Variants in GSDME observed in about 807,000 individuals in gnomAD.
GSDME encodes the protein gasdermin-E.
Under a neutral mutation model 47.5 loss-of-function variants are expected in GSDME, and 44 were observed. The ratio of observed to expected loss-of-function variants is 0.93; its 90% CI spans 0.73 to 1.19. GSDME has a LOEUF of 1.19. GSDME is among the 50% of genes most tolerant of loss of function. GSDME has a pLI of 0.00. For missense variants in GSDME, 663 were observed against 604.2 expected, an observed-to-expected ratio of 1.10 and a Z score of -1.02; for synonymous variants, 258 against 252.8, an observed-to-expected ratio of 1.02 and a Z score of -0.20.
chr7:24,782,328 G>A, the GSDME span, among the ~76,000 whole-genome samples: 14 of 149,024 alleles, frequency 9.4e-5, no homozygotes, highest in East Asian at 2.0e-4. Flanking sequence ...TTGGTTTTTT[G>A]TCCTTGCGAT....
chr7:24,778,477 C>T, the GSDME span, among the ~76,000 whole-genome samples: 2 of 152,210 alleles, frequency 1.3e-5, no homozygotes, highest in Non-Finnish European at 2.9e-5. The surrounding 1 kb of genome is among the most constrained non-coding windows in gnomAD (Gnocchi z 5.6). Flanking sequence ...TGTTTTGTTG[C>T]ACCCTTGTCC....
chr7:24,776,740 T>G, the GSDME span, among the ~76,000 whole-genome samples: 6 of 152,220 alleles, frequency 3.9e-5, no homozygotes, highest in South Asian at 1.2e-3. Context: ...TCTCTTTTTC[T>G]TAGGTCACTA....
chr7:24,762,001 C>T (rs938750408), upstream of GSDME, among the ~76,000 whole-genome samples: 4 of 151,914 alleles, frequency 2.6e-5, no homozygotes, highest in African/African-American at 9.7e-5. Flanking sequence ...TGTCTGTATT[C>T]CCAACACTTT....
the GSDME span, among the ~76,000 whole-genome samples, chr7:24,791,552 T>C: frequency 3.3e-5 from 5 of 152,276 alleles, no homozygotes; most frequent in South Asian, 6.2e-4. This position sits in a 1 kb window ranked among gnomAD's most constrained non-coding sequence, Gnocchi z 4.8. Flanking sequence ...CCTAGGTGGG[T>C]GGTCTCATGC....
Position 24,724,834 on chromosome 7 carries a change from A to G in GSDME, c.405-5616T>C, listed in dbSNP as rs919496524. 2.6e-5 allele frequency: 4 copies of G among 152,318 alleles called. No homozygotes were observed. Among genetic ancestry groups the G allele is most frequent in the Admixed American group, 2.6e-4 (4 of 15,288 alleles). The allele number at this position is 152,318 out of a possible 1,614,324, so 9.4% of individuals were successfully genotyped here. A position where few individuals can be genotyped will look rare whatever the true frequency, so the allele number is the denominator to read the frequency against. ...GGCCCTGGTGGGAGGTGTCTGGGTC[A>G]CGGGGGTGGATCCCTCATGAAAGGC... On this transcript the variant is annotated intron_variant, in intron 3 of 9. Transcript: ENST00000645220. This position sits in a 1 kb window ranked among gnomAD's most constrained non-coding sequence, Gnocchi z 4.8.
intron 9 of GSDME, among the ~76,000 whole-genome samples, chr7:24,699,738 A>G (rs1450737006): frequency 6.6e-6 from 1 of 152,162 alleles, no homozygotes; most frequent in African/African-American, 2.4e-5. Flanking sequence ...GCCTGATTCT[A>G]TCCAATTTGT....
chr7:24,723,080 G>A (rs1244448729), intron 3 of GSDME, among the ~76,000 whole-genome samples: 1 of 152,192 alleles, frequency 6.6e-6, no homozygotes, highest in Non-Finnish European at 1.5e-5. Context: ...CCACCTAGCA[G>A]CAAACACTTC....
At chr7:24,782,220 C>A in the GSDME span, among the ~76,000 whole-genome samples, 1 of 126,950 alleles carries the variant, frequency 7.9e-6, no homozygotes, top group Non-Finnish European at 1.6e-5. Flanking sequence ...TCCCCCCTCC[C>A]CCCACCCCAC....
Position 24,736,165 on chromosome 7 carries a change from CCTTA to C in GSDME, c.404+8393_404+8396del, listed in dbSNP as rs763008680. On this transcript the variant is annotated intron_variant, in intron 3 of 9. Transcript: ENST00000645220. The surrounding 1 kb of genome is among the most constrained non-coding windows in gnomAD (Gnocchi z 4.6). ...AAATAATAAAATGACAGGAGTAAAT[CCTTA>C]CTTATCAATAATAATTGAATGTAAC... is the stretch of plus-strand genomic sequence containing the variant. Among the ~76,000 whole-genome samples the C allele has an allele frequency of 2.6e-4, 39 of 152,060 alleles. No homozygotes were observed. Among genetic ancestry groups the C allele is most frequent in the Non-Finnish European group, 5.1e-4 (35 of 68,010 alleles).
chr7:24,704,085 CAGCAT>C (rs933855672), intron 8 of GSDME: 1 of 152,240 alleles, frequency 6.6e-6, no homozygotes, highest in African/African-American at 2.4e-5. Context: ...AATGAAAGAA[CAGCAT>C]CTGCATTACC....
At chr7:24,707,687 C>T (rs1307545720) in intron 7 of GSDME, 2 of 317,848 alleles carry the variant, frequency 6.3e-6, no homozygotes, top group East Asian at 7.7e-5. Context: ...GGAGAAGACA[C>T]ACACACACAC....
At chr7:24,764,583 A>G in the GSDME span, among the ~76,000 whole-genome samples, 8 of 152,074 alleles carry the variant, frequency 5.3e-5, no homozygotes, top group Admixed American at 4.6e-4. The surrounding 1 kb of genome is among the most constrained non-coding windows in gnomAD (Gnocchi z 4.4). Context: ...TTAAAAAACA[A>G]TAAAAAATCA....
chr7:24,784,344 G>A, the GSDME span, among the ~76,000 whole-genome samples: 59 of 152,256 alleles, frequency 3.9e-4, no homozygotes, highest in African/African-American at 1.3e-3. Context: ...GAAGTCCCAC[G>A]ATAGGCCACC....
the GSDME span, among the ~76,000 whole-genome samples, chr7:24,777,074 C>T: frequency 6.6e-6 from 1 of 151,606 alleles, no homozygotes; most frequent in African/African-American, 2.4e-5. Flanking sequence ...CTAAAAGTAA[C>T]GAATTACTTT....
chr7:24,749,452 A>T, intron 2 of GSDME, 112 bp downstream of exon 2: 1 of 947,292 alleles, frequency 1.1e-6, no homozygotes, highest in East Asian at 2.4e-5. Flanking sequence ...CAATGGGCCA[A>T]GATCACGCCA....
intron 3 of GSDME, among the ~76,000 whole-genome samples, chr7:24,720,972 T>TC (rs1789759944): frequency 2.0e-5 from 3 of 151,442 alleles, no homozygotes; most frequent in Non-Finnish European, 2.9e-5. Flanking sequence ...TTGAAGACAT[T>TC]ATGCCAAGTA....
At chr7:24,751,026 A>G (rs1410056383) in intron 1 of GSDME, among the ~76,000 whole-genome samples, 3 of 152,226 alleles carry the variant, frequency 2.0e-5, no homozygotes, top group Non-Finnish European at 4.4e-5. Context: ...AAGTACTAGA[A>G]AAAATAGAGA....
rs975986004 is a variant in GSDME at position 24,716,261 on chromosome 7, T to G, written c.697+993A>C. ...GTGCCCATCAGCCAGCTTCAGCCAC[T>G]GTCCCCTCTCAGCCAAGCCTCCTTC... On this transcript the variant is annotated intron_variant, in intron 5 of 9. Coordinates refer to ENST00000645220, the MANE Select transcript of GSDME (RefSeq NM_001127453.2). This position sits in a 1 kb window ranked among gnomAD's most constrained non-coding sequence, Gnocchi z 4.5. 6.6e-6 allele frequency among the ~76,000 whole-genome samples: 1 copy of G among 152,210 alleles called. No homozygotes were observed. Among genetic ancestry groups the G allele is most frequent in the Non-Finnish European group, 1.5e-5 (1 of 68,026 alleles).
chr7:24,704,640 G>A (rs1789018246), intron 8 of GSDME: 1 of 152,124 alleles, frequency 6.6e-6, no homozygotes, highest in Non-Finnish European at 1.5e-5. Flanking sequence ...CACTACCTCT[G>A]AGTTTCCAAT....
Sources: gnomAD v4.1 joint callset for allele counts (sites outside exome capture counted in the v4.1 genomes callset) on GRCh38, gnomAD v4.1.1 for gene constraint, Gnocchi (gnomAD v3.1) non-coding constraint, MANE v1.5 for transcripts, NCBI Gene and HGNC (gene_info 2026-07-23, HGNC 2026-07-21) for gene names.